The following MTBP variants were observed in gnomAD, a reference collection of about 807,000 sequenced individuals.
MTBP encodes the protein MDM2 binding protein.
Under a neutral mutation model 117.0 loss-of-function variants are expected in MTBP, and 101 were observed. The ratio of observed to expected loss-of-function variants is 0.86; its 90% confidence interval spans 0.73 to 1.02. The LOEUF (loss-of-function observed/expected upper bound fraction) is 1.02. Ranked by LOEUF, MTBP falls within the 50% of genes least tolerant of loss-of-function variation. MTBP has a pLI of 0.00. For missense variants in MTBP, 970 were observed against 1,030.9 expected (o/e 0.94, Z 0.81); for synonymous variants, 350 against 351.5 (o/e 1.00, Z 0.05).
At position 120,451,318 on chromosome 8, in the gene MTBP, G is replaced by C. The variant is rs762053324; in HGVS notation, c.421G>C (p.Ala141Pro). Residue 141 changes from alanine (A) to proline (P), a missense_variant, in exon 4 of 22, where the codon GCT becomes CCT. Transcript: ENST00000305949. ...TAATAGCAGGGAATCATTATCCTTG[G>C]CTGAGTATGCTTATATGGTTTTTGT... The part of the protein sequence containing the change: ...DSNSRESLSL[A>P]DLYEEAAENL... 6.2e-7 allele frequency: 1 copy of C among 1,610,802 alleles called. No homozygotes were observed. Among genetic ancestry groups the C allele is most frequent in the Non-Finnish European group, 8.5e-7 (1 of 1,177,504 alleles).
At chr8:120,446,936 T>G (rs1362268915) in intron 2 of MTBP, among the ~76,000 whole-genome samples, 1 of 152,186 alleles carries the variant, frequency 6.6e-6, no homozygotes, top group Non-Finnish European at 1.5e-5. Context: ...TACTTAATAA[T>G]TACTAAACAC....
chr8:120,459,179 G>T, intron 7 of MTBP, 36 bp from the exon 8 acceptor site: 1 of 1,564,824 alleles, frequency 6.4e-7, no homozygotes, highest in Non-Finnish European at 8.7e-7. Context: ...CATTATTCAT[G>T]ATACTTGTAA....
At chr8:120,461,123 G>T (rs1438037737) in intron 8 of MTBP, 38 bp from the exon 9 acceptor site, 1 of 1,389,140 alleles carries the variant, frequency 7.2e-7, no homozygotes. Flanking sequence ...TTTTGTTTAT[G>T]GTATTTAAAT....
chr8:120,461,180 C>T lies in MTBP; in HGVS notation c.902C>T (p.Pro301Leu), dbSNP rs768006726. The T allele has an allele frequency of 2.0e-5, 32 of 1,597,642 alleles. No homozygotes were observed. The highest frequency in any genetic ancestry group is 1.3e-5 in the Non-Finnish European group (15 of 1,166,798). Residue 301 changes from proline (P) to leucine (L), a missense_variant, in exon 9 of 22, where the codon CCT (proline) becomes CTT (leucine). Transcript: ENST00000305949. Reference sequence around the variant, plus strand: ...TTCTAGGTTTTCCATTATTATGGCCCTGCTTTAGAATTTGTGCAGATGATA... The same window carrying T: ...TTCTAGGTTTTCCATTATTATGGCCTTGCTTTAGAATTTGTGCAGATGATA... Reference protein sequence around the residue: ...ILPKVFHYYGPALEFVQMIKL... With the variant: ...ILPKVFHYYGLALEFVQMIKL...
intron 9 of MTBP, 91 bp downstream of exon 9, chr8:120,461,346 A>T: frequency 3.4e-6 from 3 of 870,876 alleles, no homozygotes; most frequent in Non-Finnish European, 5.4e-6. Context: ...CATGTTAGGT[A>T]TATCTTTTTC....
chr8:120,447,522 G>A (rs958315501), intron 2 of MTBP, among the ~76,000 whole-genome samples: 3 of 152,000 alleles, frequency 2.0e-5, no homozygotes, highest in African/African-American at 4.8e-5. Flanking sequence ...TCCCCCTTGC[G>A]TGTTTAGGGT....
chr8:120,483,641 C>G (rs553114113), intron 11 of MTBP, among the ~76,000 whole-genome samples: 154 of 152,110 alleles, frequency 1.0e-3, no homozygotes, highest in African/African-American at 3.7e-3. Flanking sequence ...TTTGCTAATA[C>G]TAATAAAGAC....
rs182443222 is a variant in MTBP, at chr8:120,455,763, A to G, written c.629+184A>G. 6.1e-4 allele frequency among the ~76,000 whole-genome samples: 93 copies of G among 152,174 alleles called. 2 individuals are homozygous for G. Among genetic ancestry groups the G allele is most frequent in the Middle Eastern group, 6.8e-3 (2 of 294 alleles). On this transcript the variant is annotated intron_variant, in intron 6 of 21. Coordinates refer to ENST00000305949, the MANE Select transcript of MTBP (RefSeq NM_022045.5). ...TCTAGATGTTTCATATTTTATATTT[A>G]TGTTTCTGAGATATTTAAGTTTTTA...
At chr8:120,472,616 C>A (rs2130551020) in intron 11 of MTBP, 1 of 152,284 alleles carries the variant, frequency 6.6e-6, no homozygotes, top group Middle Eastern at 3.4e-3. Context: ...TTTTCCTTGC[C>A]ACATGGTCTT....
intron 20 of MTBP, among the ~76,000 whole-genome samples, chr8:120,519,707 G>A (rs1223500570): frequency 6.6e-6 from 1 of 152,144 alleles, no homozygotes; most frequent in African/African-American, 2.4e-5. Flanking sequence ...TGGGTGCCTA[G>A]TGGAATACTA....
chr8:120,513,390 T>C (rs897790002), intron 17 of MTBP, among the ~76,000 whole-genome samples: 2 of 152,080 alleles, frequency 1.3e-5, no homozygotes, highest in African/African-American at 4.8e-5. Context: ...TGTAAGAAAA[T>C]ATGGAATTGT....
intron 6 of MTBP, 93 bp downstream of exon 6, chr8:120,455,672 T>A: frequency 8.2e-7 from 1 of 1,221,700 alleles, no homozygotes; most frequent in Non-Finnish European, 1.2e-6. Context: ...GTTTGAAAAT[T>A]ATTTTAATAT....
At chr8:120,505,956 G>C (rs1222632764) in intron 15 of MTBP, among the ~76,000 whole-genome samples, 1 of 152,050 alleles carries the variant, frequency 6.6e-6, no homozygotes, top group Non-Finnish European at 1.5e-5. Context: ...TTGTATGTTA[G>C]CATCTTTACT....
chr8:120,453,554 T>C (rs1813404855), intron 4 of MTBP, among the ~76,000 whole-genome samples: 1 of 152,090 alleles, frequency 6.6e-6, no homozygotes, highest in African/African-American at 2.4e-5. Context: ...ATTTAGGGAG[T>C]TTTATTTCCT....
In MTBP at chr8:120,471,041, T is replaced by A. The variant is rs988444648; in HGVS notation, c.1165+104T>A. ...TTCTATATGAGAAAACAGGATTTCA[T>A]ATTATTGCTACTGATTACCAGGAGT... On this transcript the variant is annotated intron_variant, in intron 11 of 21. Coordinates refer to ENST00000305949, the MANE Select transcript of MTBP (RefSeq NM_022045.5). 3.9e-6 allele frequency: 3 copies of A among 765,656 alleles called. No individual in the cohort carries two copies. The African/African-American group carries it at 5.3e-5, about 13-fold the overall frequency. 47.4% of individuals were successfully genotyped at this position (765,656 alleles called of 1,614,324 possible).
chr8:120,503,359 G>C (rs1308094188), intron 15 of MTBP, among the ~76,000 whole-genome samples: 2 of 152,138 alleles, frequency 1.3e-5, no homozygotes, highest in African/African-American at 4.8e-5. Flanking sequence ...ATCAAAACAA[G>C]TAACCAGACA....
intron 17 of MTBP, 75 bp downstream of exon 17, chr8:120,510,104 A>C: frequency 9.4e-7 from 1 of 1,061,506 alleles, no homozygotes; most frequent in Non-Finnish European, 1.4e-6. Flanking sequence ...TGACTTTAAT[A>C]AAATGATATA....
chr8:120,459,108 A>C lies in MTBP; in HGVS notation c.748-107A>C, dbSNP rs1813531544. On this transcript the variant is annotated intron_variant, in intron 7 of 21. Coordinates refer to ENST00000305949, the MANE Select transcript of MTBP (RefSeq NM_022045.5). ...CTTTTGAGCTGAGGAATCAAAAATAAATTTATACATGGATTTCCCCTCAAC... is the reference window on the plus strand; with the variant it reads ...CTTTTGAGCTGAGGAATCAAAAATACATTTATACATGGATTTCCCCTCAAC... 3.1e-6 allele frequency: 3 copies of C among 965,062 alleles called. No individual in the cohort carries two copies. The South Asian group carries it at 5.0e-5, about 16-fold the overall frequency. 59.8% of individuals were successfully genotyped at this position (965,062 alleles called of 1,614,324 possible).
At chr8:120,501,938 A>G (rs1353065483) in intron 14 of MTBP, among the ~76,000 whole-genome samples, 1 of 152,248 alleles carries the variant, frequency 6.6e-6, no homozygotes, top group African/African-American at 2.4e-5. Context: ...TTTGATTAGT[A>G]GAAAATAACA....
Sources: allele counts gnomAD v4.1 joint callset (sites outside exome capture counted in the v4.1 genomes callset), GRCh38; gene constraint gnomAD v4.1.1; transcripts MANE v1.5; gene names NCBI Gene and HGNC (gene_info 2026-07-23, HGNC 2026-07-21).